SNX16: variants seen among roughly 807,000 people sequenced by gnomAD.
SNX16 encodes sorting nexin 16.
SNX16 carries 35 observed loss-of-function variants against 36.7 expected under a neutral mutation model. The ratio of observed to expected loss-of-function variants is 0.95; its 90% confidence interval spans 0.73 to 1.27. The LOEUF is 1.27. Among genes scored for constraint, SNX16 ranks in the 50% most tolerant of loss-of-function variants. The pLI is 0.00. For synonymous variants in SNX16, 134 were observed against 132.0 expected (o/e 1.02, Z -0.10); for missense variants, 367 against 393.6 (o/e 0.93, Z 0.57).
chr8:81,828,988 C>A (rs1307973779), intron 3 of SNX16, among the ~76,000 whole-genome samples: 4 of 152,166 alleles, frequency 2.6e-5, no homozygotes, highest in African/African-American at 9.7e-5. Flanking sequence ...CCCAGCCCAG[C>A]TAACAGCTTG....
At chr8:81,827,986 C>T (rs1339238565) in intron 3 of SNX16, among the ~76,000 whole-genome samples, 1 of 152,134 alleles carries the variant, frequency 6.6e-6, no homozygotes, top group Non-Finnish European at 1.5e-5. Flanking sequence ...CAAAATATCA[C>T]ACCCTCTGCC....
chr8:81,820,390 C>T (rs1810684976), intron 4 of SNX16, among the ~76,000 whole-genome samples: 1 of 151,980 alleles, frequency 6.6e-6, no homozygotes, highest in African/African-American at 2.4e-5. Flanking sequence ...CTTGGCTGTG[C>T]AGTACAACAG....
intron 5 of SNX16, chr8:81,807,743 T>C (rs1328939543): frequency 1.2e-5 from 8 of 646,172 alleles, no homozygotes; most frequent in Middle Eastern, 4.5e-4. Flanking sequence ...CGAAGAAGCA[T>C]TGTTAAAGTC....
At position 81,839,888 on chromosome 8, in the gene SNX16, G is replaced by C. The variant is rs747683076; in HGVS notation, c.99C>G (p.Val33=). ...RNQRSSSFGS[V]STSSNSSKGQ... Reference sequence around the variant, plus strand: ...CCTTAGAAGAATTTGAGCTTGTTGAGACACTGCCAAAAGAAGAACTTCTTT... The same window carrying C: ...CCTTAGAAGAATTTGAGCTTGTTGACACACTGCCAAAAGAAGAACTTCTTT... Residue 33 remains valine, a synonymous_variant, in exon 2 of 8, where the codon GTC becomes GTG. Transcript: ENST00000345957. 1.9e-6 allele frequency: 3 copies of C among 1,613,862 alleles called. No homozygotes were observed. Among genetic ancestry groups the C allele is most frequent in the Non-Finnish European group, 2.5e-6 (3 of 1,179,922 alleles).
Position 81,842,115 on chromosome 8 carries a change from TCTTTAC to T in SNX16, c.-97+1_-97+6del, listed in dbSNP as rs1348450728. On this transcript the variant is annotated splice_donor_variant and splice_donor_5th_base_variant and intron_variant, in intron 1 of 7. Transcript: ENST00000345957. LOFTEE classifies it low-confidence loss of function (5UTR_SPLICE). ...CGCCTGTCCTGAGGTAATGACCCAG[TCTTTAC>T]CTCAGCCCCCTCGGCGATCCCGAAC... 1 of 151,176 alleles carries T rather than the reference TCTTTAC, an allele frequency of 6.6e-6. No homozygotes were observed. Among genetic ancestry groups the T allele is most frequent in the Non-Finnish European group, 1.5e-5 (1 of 67,906 alleles). 9.4% of individuals were successfully genotyped at this position (151,176 alleles called of 1,614,324 possible).
intron 6 of SNX16, 102 bp downstream of exon 6, chr8:81,802,990 G>A (rs140884558): frequency 0.014 from 14,801 of 1,090,854 alleles, 400 homozygotes; most frequent in Admixed American, 0.12. Flanking sequence ...ACAACTTTCA[G>A]AATCAGAAAA....
At position 81,799,896 on chromosome 8, in the gene SNX16, T is replaced by C. The variant is rs1157058228; in HGVS notation, c.*1601A>G. The C allele has an allele frequency of 2.0e-5, 3 of 151,932 alleles. No homozygotes were observed. The highest frequency in any genetic ancestry group is 4.4e-5 in the Non-Finnish European group (3 of 67,820). The allele number at this position is 151,932 out of a possible 1,614,324, so 9.4% of individuals were successfully genotyped here. On this transcript the variant is annotated 3_prime_UTR_variant, in exon 8 of 8. Transcript: ENST00000345957. Reference sequence around the variant, plus strand: ...TTTTGTAAGTCTAGAATAATAATTTTAATAAATAAGCAGATCAATTTATTA... The same window carrying C: ...TTTTGTAAGTCTAGAATAATAATTTCAATAAATAAGCAGATCAATTTATTA...
At chr8:81,826,094 G>A (rs764444433) in intron 3 of SNX16, among the ~76,000 whole-genome samples, 60 of 151,474 alleles carry the variant, frequency 4.0e-4, no homozygotes, top group Non-Finnish European at 1.5e-4. Flanking sequence ...TTCAAGAAGA[G>A]GAAGATAAGG....
At chr8:81,812,965 TA>T (rs1285778590) in intron 5 of SNX16, among the ~76,000 whole-genome samples, 2 of 151,628 alleles carry the variant, frequency 1.3e-5, no homozygotes, top group Non-Finnish European at 2.9e-5. Context: ...TAAGAAAAAG[TA>T]AAAAATTCTA....
chr8:81,816,332 G>C (rs1810491202), intron 4 of SNX16, among the ~76,000 whole-genome samples: 1 of 151,942 alleles, frequency 6.6e-6, no homozygotes. Context: ...AGGGATTAGA[G>C]GCTTCCACCA....
At chr8:81,808,631 C>T in intron 5 of SNX16, 2 of 936,428 alleles carry the variant, frequency 2.1e-6, no homozygotes, top group Non-Finnish European at 1.7e-6. Flanking sequence ...GAAGCTCTGG[C>T]CCCCATGGTG....
At chr8:81,815,514 C>G in intron 4 of SNX16, 120 bp from the exon 5 acceptor site, 2 of 602,228 alleles carry the variant, frequency 3.3e-6, no homozygotes, top group Non-Finnish European at 5.7e-6. Context: ...TGTTTTCATA[C>G]AAGTAACTAA....
chr8:81,829,110 G>A (rs1201023401), intron 3 of SNX16, among the ~76,000 whole-genome samples: 1 of 152,018 alleles, frequency 6.6e-6, no homozygotes, highest in Non-Finnish European at 1.5e-5. Context: ...TTATTATGCA[G>A]TAATAGGAAA....
At chr8:81,814,515 T>C (rs1432473217) in intron 5 of SNX16, 4 of 152,044 alleles carry the variant, frequency 2.6e-5, no homozygotes, top group African/African-American at 9.7e-5. Flanking sequence ...GGAATTCTTT[T>C]TGAGGTGATG....
At chr8:81,829,676 TAATC>T (rs1266656511) in intron 2 of SNX16, among the ~76,000 whole-genome samples, 160 bp from the exon 3 acceptor site, 2 of 152,134 alleles carry the variant, frequency 1.3e-5, no homozygotes, top group Non-Finnish European at 2.9e-5. Context: ...AAAGTACAAA[TAATC>T]AATGCAGGCA....
intron 3 of SNX16, among the ~76,000 whole-genome samples, chr8:81,824,256 A>G (rs1810915587): frequency 6.6e-6 from 1 of 152,174 alleles, no homozygotes; most frequent in South Asian, 2.1e-4. Context: ...GAAGTTGAAT[A>G]TCTTCTCATC....
rs1205660457 is a variant in SNX16 at position 81,823,774 on chromosome 8, T to C, written c.611+18A>G. On this transcript the variant is annotated intron_variant, in intron 4 of 7. Transcript: ENST00000345957. The stretch of plus-strand genomic sequence containing the variant: ...ATTGGAATGCTTTTATAATCTCTTA[T>C]TTCAATTCGTTACATACCAGTTAGC... 1 of 1,571,842 alleles carries C rather than the reference T, an allele frequency of 6.4e-7. No individual in the cohort carries two copies. Among genetic ancestry groups the C allele is most frequent in the South Asian group, 1.2e-5 (1 of 83,522 alleles).
intron 4 of SNX16, among the ~76,000 whole-genome samples, chr8:81,816,181 CTTT>C (rs777491714): frequency 7.3e-6 from 1 of 137,810 alleles, no homozygotes; most frequent in Non-Finnish European, 1.6e-5. Context: ...AAAGGATTTT[CTTT>C]TTTTTTTTTT....
At chr8:81,840,781 G>A (rs1385156537) in intron 1 of SNX16, among the ~76,000 whole-genome samples, 1 of 152,168 alleles carries the variant, frequency 6.6e-6, no homozygotes, top group Non-Finnish European at 1.5e-5. Context: ...TAAACTGAGG[G>A]TATTTAAATC....
Sources: allele counts gnomAD v4.1 joint callset (sites outside exome capture counted in the v4.1 genomes callset), GRCh38; gene constraint gnomAD v4.1.1; transcripts MANE v1.5; gene names NCBI Gene and HGNC (gene_info 2026-07-23, HGNC 2026-07-21).